The following GFOD1 variants were observed in gnomAD, a reference collection of about 807,000 sequenced individuals.
The protein encoded by GFOD1 is glucose-fructose oxidoreductase domain-containing protein 1.
A neutral mutation model predicts 25.4 loss-of-function variants in GFOD1; 9 were observed. That is an observed-to-expected ratio of 0.35 (90% CI 0.21 to 0.62). The LOEUF (loss-of-function observed/expected upper bound fraction) is 0.62. Ranked by LOEUF, GFOD1 falls within the 20% of genes least tolerant of loss-of-function variation. The pLI, the probability that GFOD1 is intolerant of heterozygous loss-of-function variation, is 0.72. For synonymous variants in GFOD1, 253 were observed against 245.6 expected, an observed-to-expected ratio of 1.03 and a Z score of -0.28; for missense variants, 403 against 556.9, an observed-to-expected ratio of 0.72 and a Z score of 2.78.
At chr6:13,447,369 G>A (rs946762808) in intron 1 of GFOD1, among the ~76,000 whole-genome samples, 1 of 152,080 alleles carries the variant, frequency 6.6e-6, no homozygotes, top group Non-Finnish European at 1.5e-5. Flanking sequence ...CTTTTTATAA[G>A]AACATCCGAC....
At chr6:13,444,774 T>C (rs1314478649) in intron 1 of GFOD1, among the ~76,000 whole-genome samples, 1 of 152,202 alleles carries the variant, frequency 6.6e-6, no homozygotes, top group Non-Finnish European at 1.5e-5. Flanking sequence ...ACATAACTTT[T>C]ATATGCACTG....
At chr6:13,371,052 C>A (rs1209296225) in intron 1 of GFOD1, among the ~76,000 whole-genome samples, 2 of 152,194 alleles carry the variant, frequency 1.3e-5, no homozygotes, top group Admixed American at 6.5e-5. Flanking sequence ...GAAAAGCACT[C>A]TCTCCCATTT....
chr6:13,463,358 AATT>A (rs1323793529), intron 1 of GFOD1, among the ~76,000 whole-genome samples: 1 of 152,226 alleles, frequency 6.6e-6, no homozygotes, highest in Non-Finnish European at 1.5e-5. Context: ...AGGAGCCACA[AATT>A]AATTAAAATG....
At chr6:13,474,613 G>A (rs149297645) in intron 1 of GFOD1, among the ~76,000 whole-genome samples, 7 of 152,144 alleles carry the variant, frequency 4.6e-5, no homozygotes, top group East Asian at 3.9e-4. Flanking sequence ...TTGCCTATGC[G>A]CTCTTCTTTC....
In GFOD1 at chr6:13,365,420, C is replaced by T. The variant is rs1293945746; in HGVS notation, c.496G>A (p.Asp166Asn). Residue 166 changes from aspartate to asparagine, a missense_variant, in exon 2 of 2, where the codon GAC becomes AAC. By Grantham distance (23) the Asp-to-Asn change is conservative. Coordinates refer to ENST00000379287, the MANE Select transcript of GFOD1 (RefSeq NM_018988.4). This position sits in a 1 kb window ranked among gnomAD's most constrained non-coding sequence, Gnocchi z 9.2. Reference protein sequence around the residue: ...LGKKYNWSCDDLMGGGGLHSV... With the variant: ...LGKKYNWSCDNLMGGGGLHSV... ...TGCAGGCCGCCGCCGCCCATCAAGT[C>T]GTCGCAGCTCCAGTTGTACTTCTTG... 2 of 1,613,974 alleles carry T rather than the reference C, an allele frequency of 1.2e-6. No homozygotes were observed. Among genetic ancestry groups the T allele is most frequent in the East Asian group, 2.2e-5 (1 of 44,870 alleles).
chr6:13,464,664 A>G (rs1332794597), intron 1 of GFOD1, among the ~76,000 whole-genome samples: 6 of 152,216 alleles, frequency 3.9e-5, no homozygotes, highest in Non-Finnish European at 8.8e-5. Context: ...AGTAAAGCAG[A>G]CACCCTGTAT....
At chr6:13,427,064 C>T (rs545549868) in intron 1 of GFOD1, among the ~76,000 whole-genome samples, 1 of 152,296 alleles carries the variant, frequency 6.6e-6, no homozygotes, top group African/African-American at 2.4e-5. Context: ...CGGGCAGTGG[C>T]TCCGAAGTTG....
intron 1 of GFOD1, among the ~76,000 whole-genome samples, chr6:13,468,027 AT>A (rs1211362479): frequency 3.9e-5 from 6 of 151,902 alleles, no homozygotes; most frequent in African/African-American, 1.5e-4. Flanking sequence ...CAACCAAACC[AT>A]TTTTTCCCAT....
rs144556720 is a variant in GFOD1 at position 13,441,798 on chromosome 6, G to A, written c.253+44840C>T. Among the ~76,000 whole-genome samples, 9 of 152,170 alleles carry A rather than the reference G, an allele frequency of 5.9e-5. No individual in the cohort carries two copies. In the East Asian group the frequency reaches 1.7e-3, roughly 29 times the overall value. On this transcript the variant is annotated intron_variant, in intron 1 of 1. Coordinates refer to ENST00000379287, the MANE Select transcript of GFOD1 (RefSeq NM_018988.4). ...TAATATTAAATACTGAAGTAAATGT[G>A]ATAGATAGATAGATACATATTTAAG...
intron 1 of GFOD1, among the ~76,000 whole-genome samples, chr6:13,446,199 C>T (rs1406261444): frequency 6.6e-6 from 1 of 152,148 alleles, no homozygotes; most frequent in Non-Finnish European, 1.5e-5. Flanking sequence ...TCTAATGTGA[C>T]AGGGACAGGC....
intron 1 of GFOD1, among the ~76,000 whole-genome samples, chr6:13,415,308 C>T (rs1409793134): frequency 1.3e-5 from 2 of 152,196 alleles, no homozygotes. Flanking sequence ...GAAGCACAGT[C>T]TTTCTTTGCC....
chr6:13,378,291 A>C (rs998578191), intron 1 of GFOD1, among the ~76,000 whole-genome samples: 4 of 152,218 alleles, frequency 2.6e-5, no homozygotes, highest in African/African-American at 9.7e-5. Flanking sequence ...GAAACGACTG[A>C]GCCTCAGAAC....
intron 1 of GFOD1, among the ~76,000 whole-genome samples, chr6:13,456,457 G>C (rs989447105): frequency 6.6e-6 from 1 of 152,160 alleles, no homozygotes; most frequent in African/African-American, 2.4e-5. Context: ...TTACAGGTGT[G>C]AGCCACCACA....
chr6:13,374,571 G>A (rs529426643), intron 1 of GFOD1, among the ~76,000 whole-genome samples: 5 of 151,766 alleles, frequency 3.3e-5, no homozygotes, highest in African/African-American at 9.7e-5. Flanking sequence ...CTCCCAAAGT[G>A]CTGGGATTAC....
Position 13,374,271 on chromosome 6 carries a change from T to TGTG in GFOD1, c.254-8610_254-8609insCAC, listed in dbSNP as rs1554199401. Among the ~76,000 whole-genome samples the TGTG allele has an allele frequency of 3.6e-3, 481 of 134,450 alleles. 7 individuals carry two copies. Among genetic ancestry groups the TGTG allele is most frequent in the African/African-American group, 0.011 (365 of 33,966 alleles). 88.2% of individuals were successfully genotyped at this position (134,450 alleles called of 152,430 possible). ...TAGTCTTTTTAAAAATATGTTTTTT[T>TGTG]TTTGTGTGTGTGTGTGTGTGTGTGT... On this transcript the variant is annotated intron_variant, in intron 1 of 1. Coordinates refer to ENST00000379287, the MANE Select transcript of GFOD1 (RefSeq NM_018988.4).
intron 1 of GFOD1, among the ~76,000 whole-genome samples, chr6:13,452,251 A>G (rs1226952122): frequency 6.6e-6 from 1 of 152,220 alleles, no homozygotes; most frequent in East Asian, 1.9e-4. Flanking sequence ...AGACACTGGC[A>G]TATGGACGGT....
chr6:13,419,718 A>C (rs1786221754), intron 1 of GFOD1, among the ~76,000 whole-genome samples: 1 of 149,462 alleles, frequency 6.7e-6, no homozygotes, highest in Non-Finnish European at 1.5e-5. Flanking sequence ...CCAGCTCACC[A>C]CCTCCTCACG....
chr6:13,380,440 A>G (rs1478751295), intron 1 of GFOD1, among the ~76,000 whole-genome samples: 2 of 152,224 alleles, frequency 1.3e-5, no homozygotes, highest in African/African-American at 4.8e-5. Flanking sequence ...GCTCTTATGA[A>G]TGAAAACAAA....
chr6:13,487,158 C>T lies in GFOD1; in HGVS notation c.-268G>A. ...CCGGAGTCGGCGGCAGGGACCCCCC[C>T]AGGGCGCCGGAGGCTTCGAAGCCCC... On this transcript the variant is annotated 5_prime_UTR_variant, in exon 1 of 2. Transcript: ENST00000379287. The surrounding 1 kb of genome is among the most constrained non-coding windows in gnomAD (Gnocchi z 4.9). 1 of 427,758 alleles carries T rather than the reference C, an allele frequency of 2.3e-6. No individual in the cohort carries two copies. The highest frequency in any genetic ancestry group is 2.1e-5 in the African/African-American group (1 of 47,938). The allele number at this position is 427,758 out of a possible 1,614,324, so 26.5% of individuals were successfully genotyped here.
Sources: allele counts gnomAD v4.1 joint callset (sites outside exome capture counted in the v4.1 genomes callset), GRCh38; gene constraint gnomAD v4.1.1; non-coding constraint Gnocchi (gnomAD v3.1); transcripts MANE v1.5; gene names NCBI Gene and HGNC (gene_info 2026-07-23, HGNC 2026-07-21).